Variants in MTPAP observed in about 807,000 individuals in gnomAD.
The protein encoded by MTPAP is poly(A) RNA polymerase, mitochondrial.
Under a neutral mutation model 48.7 loss-of-function variants are expected in MTPAP, and 23 were observed. The observed-to-expected ratio is 0.47, with a 90% CI of 0.34 to 0.67. MTPAP has a LOEUF of 0.67. Among genes scored for constraint, MTPAP ranks in the 30% least tolerant of loss-of-function variants. The pLI, the probability that MTPAP is intolerant of heterozygous loss-of-function variation, is 0.01. For missense variants in MTPAP, 614 were observed against 694.3 expected, an observed-to-expected ratio of 0.88 and a Z score of 1.30; for synonymous variants, 257 against 254.1, an observed-to-expected ratio of 1.01 and a Z score of -0.11.
At chr10:30,321,949 C>T (rs564742358) in intron 6 of MTPAP, among the ~76,000 whole-genome samples, 2 of 152,302 alleles carry the variant, frequency 1.3e-5, no homozygotes, top group African/African-American at 4.8e-5. Flanking sequence ...CCTAAGACTG[C>T]TTATATGCTT....
At chr10:30,326,958 T>G (rs1588715491) in intron 4 of MTPAP, among the ~76,000 whole-genome samples, 1 of 152,172 alleles carries the variant, frequency 6.6e-6, no homozygotes, top group Admixed American at 6.5e-5. Flanking sequence ...ATAAATTCAG[T>G]GAACATATAC....
At chr10:30,342,821 G>A (rs1216661577) in intron 1 of MTPAP, among the ~76,000 whole-genome samples, 3 of 152,058 alleles carry the variant, frequency 2.0e-5, no homozygotes, top group Non-Finnish European at 2.9e-5. Flanking sequence ...TTAAAACCTC[G>A]TTACTGCCCA....
In MTPAP at chr10:30,340,286, T is replaced by C. The variant is rs1270571343; in HGVS notation, c.495A>G (p.Ser165=). Residue 165 remains serine, a synonymous_variant, in exon 3 of 9, where the codon TCA becomes TCG. Transcript: ENST00000263063. The stretch of plus-strand genomic sequence containing the variant: ...TGTTTGAACGTGGCAACTGATTACT[T>C]GACCGTACGCGTGACCGTTCAGAAG... ...NQTSERSRVR[S]SNQLPRSNKQ... The C allele has an allele frequency of 1.2e-6, 2 of 1,614,200 alleles. No homozygotes were observed. The highest frequency in any genetic ancestry group is 2.2e-5 in the East Asian group (1 of 44,892).
At chr10:30,342,496 G>A (rs1588721905) in intron 1 of MTPAP, among the ~76,000 whole-genome samples, 4 of 136,592 alleles carry the variant, frequency 2.9e-5, no homozygotes, top group African/African-American at 1.0e-4. Flanking sequence ...CACTTTCTCT[G>A]TTTTGATTTA....
intron 4 of MTPAP, among the ~76,000 whole-genome samples, chr10:30,335,355 C>T (rs989557240): frequency 5.3e-5 from 8 of 151,822 alleles, no homozygotes; most frequent in Non-Finnish European, 1.2e-4. Context: ...GCATGGTGGC[C>T]CCTGCCTGCA....
chr10:30,324,669 C>A (rs1834560512), intron 5 of MTPAP, among the ~76,000 whole-genome samples: 1 of 152,086 alleles, frequency 6.6e-6, no homozygotes, highest in South Asian at 2.1e-4. Flanking sequence ...AATTTAACAG[C>A]ATCAAGTTAA....
chr10:30,328,388 C>T (rs1008726619), intron 4 of MTPAP, among the ~76,000 whole-genome samples: 2 of 152,096 alleles, frequency 1.3e-5, no homozygotes, highest in African/African-American at 2.4e-5. Context: ...AGAACTTGTC[C>T]GTATCTACTG....
In MTPAP at chr10:30,313,730, T is replaced by C. The variant is rs752913555; in HGVS notation, c.1628A>G (p.Lys543Arg). The C allele has an allele frequency of 1.9e-6, 3 of 1,614,232 alleles. No homozygotes were observed. In the South Asian group the frequency reaches 3.3e-5, roughly 18 times the overall value. The change falls in exon 9 of 9, where the codon AAG becomes AGG. Residue 543 changes from lysine to arginine, a missense_variant. This residue lies in a region of MTPAP where 109 missense variants were observed against 100.5 expected (regional missense o/e 1.08). Coordinates refer to ENST00000263063, the MANE Select transcript of MTPAP (RefSeq NM_018109.4). Reference sequence around the variant, plus strand: ...AATTGCAAACTTATTGCTTTTCTTCTTGGTAAAGGACTTTCTGTTTGGAGC... The same window carrying C: ...AATTGCAAACTTATTGCTTTTCTTCCTGGTAAAGGACTTTCTGTTTGGAGC... ...PSAPNRKSFT[K>R]KKSNKFAIET...
At chr10:30,328,066 G>T (rs1834620436) in intron 4 of MTPAP, among the ~76,000 whole-genome samples, 1 of 152,020 alleles carries the variant, frequency 6.6e-6, no homozygotes, top group Admixed American at 6.6e-5. Context: ...CACTACTAAA[G>T]AACAAAGCAA....
chr10:30,349,082 T>G, intron 1 of MTPAP, 37 bp downstream of exon 1: 1 of 1,613,474 alleles, frequency 6.2e-7, no homozygotes, highest in Non-Finnish European at 8.5e-7. Context: ...CCTCGCCCGC[T>G]GTGGGACGGA....
intron 6 of MTPAP, among the ~76,000 whole-genome samples, chr10:30,320,074 T>C (rs960095543): frequency 6.0e-4 from 92 of 152,166 alleles, no homozygotes; most frequent in Non-Finnish European, 1.1e-3. Context: ...CTGGGCAATA[T>C]AGTAAGACAC....
At chr10:30,332,892 C>T (rs900992132) in intron 4 of MTPAP, among the ~76,000 whole-genome samples, 3 of 151,978 alleles carry the variant, frequency 2.0e-5, no homozygotes, top group Non-Finnish European at 4.4e-5. Context: ...GAGGCAGAGG[C>T]AGGCAGATCA....
chr10:30,319,417 A>C (rs1343518132), intron 6 of MTPAP, among the ~76,000 whole-genome samples: 2 of 152,218 alleles, frequency 1.3e-5, no homozygotes, highest in Non-Finnish European at 2.9e-5. Context: ...TTGTATATCA[A>C]ATGAGAGGTA....
rs1834604912 is a variant in MTPAP, at chr10:30,326,988, C to T, written c.781-353G>A. The stretch of plus-strand genomic sequence containing the variant: ...ATATACTTGCCCCTTCCCAGTTGAC[C>T]ATTATATTTTAATCTATGCTATAAA... On this transcript the variant is annotated intron_variant, in intron 4 of 8. Coordinates refer to ENST00000263063, the MANE Select transcript of MTPAP (RefSeq NM_018109.4). 3.3e-5 allele frequency among the ~76,000 whole-genome samples: 5 copies of T among 152,058 alleles called. No individual in the cohort carries two copies. In the South Asian group the frequency reaches 1.0e-3, roughly 31 times the overall value.
chr10:30,313,640 C>T lies in MTPAP; in HGVS notation c.1718G>A (p.Ser573Asn), dbSNP rs771523018. 6.2e-7 allele frequency: 1 copy of T among 1,614,202 alleles called. No homozygotes were observed. Among genetic ancestry groups the T allele is most frequent in the Non-Finnish European group, 8.5e-7 (1 of 1,180,010 alleles). Residue 573 changes from serine to asparagine, a missense_variant, in exon 9 of 9, where the codon AGT becomes AAT. Ser to Asn is a conservative substitution (Grantham distance 46). Transcript: ENST00000263063. ...CTGAGTACTAATTGTTCTCTTCCCA[C>T]TGGTTTTTGTGAAATTTTCTGTTCT... ...GNRTENFTKTSGKRTISTQT is the reference protein window; with the variant it reads ...GNRTENFTKTNGKRTISTQT
At position 30,313,623 on chromosome 10, in the gene MTPAP, T is replaced by C. The variant is rs748514059; in HGVS notation, c.1735A>G (p.Ser579Gly). 17 of 1,614,110 alleles carry C rather than the reference T, an allele frequency of 1.1e-5. No individual in the cohort carries two copies. The highest frequency in any genetic ancestry group is 1.3e-5 in the Non-Finnish European group (15 of 1,180,038). ...TGTAGCAGCCATCATGTCTGAGTAC[T>C]AATTGTTCTCTTCCCACTGGTTTTT... Reference protein sequence around the residue: ...FTKTSGKRTISTQT With the variant: ...FTKTSGKRTIGTQT The change falls in exon 9 of 9, where the codon AGT (serine) becomes GGT (glycine). Residue 579 changes from serine (S) to glycine (G), a missense_variant. Ser to Gly is a moderately conservative substitution (Grantham distance 56, BLOSUM62 0). Around this residue, in one of 5 missense-constraint regions of MTPAP, gnomAD observed 109 missense variants for 100.5 expected, o/e 1.08. Coordinates refer to ENST00000263063, the MANE Select transcript of MTPAP (RefSeq NM_018109.4).
At position 30,312,389 on chromosome 10, in the gene MTPAP, A is replaced by T. The variant is rs1400632038; in HGVS notation, c.*1220T>A. ...AGGTCGGGAGATCGAGACCATGGTG[A>T]AACCCTGTCTCTACTAAAAATACAA... On this transcript the variant is annotated 3_prime_UTR_variant, in exon 9 of 9. Coordinates refer to ENST00000263063, the MANE Select transcript of MTPAP (RefSeq NM_018109.4). 6.6e-6 allele frequency: 1 copy of T among 151,886 alleles called. No individual in the cohort carries two copies. The highest frequency in any genetic ancestry group is 2.4e-5 in the African/African-American group (1 of 41,342). The allele number at this position is 151,886 out of a possible 1,614,324, so 9.4% of individuals were successfully genotyped here. A position where few individuals can be genotyped will look rare whatever the true frequency, so the allele number is the denominator to read the frequency against.
chr10:30,337,058 G>C (rs1205937407), intron 3 of MTPAP, 31 bp from the exon 4 acceptor site: 10 of 1,548,426 alleles, frequency 6.5e-6, no homozygotes, highest in Middle Eastern at 2.2e-4. Context: ...CAACAAAATA[G>C]AGAAAAAGTA....
intron 1 of MTPAP, 118 bp downstream of exon 1, chr10:30,349,001 C>A: frequency 6.8e-7 from 1 of 1,463,596 alleles, no homozygotes; most frequent in Non-Finnish European, 9.5e-7. Flanking sequence ...GGACAGGACA[C>A]AGCCCCACCC....
Sources: gnomAD v4.1 joint callset for allele counts (sites outside exome capture counted in the v4.1 genomes callset) on GRCh38, gnomAD v4.1.1 for gene constraint, gnomAD v4.1.1 regional missense constraint, MANE v1.5 for transcripts, NCBI Gene and HGNC (gene_info 2026-07-23, HGNC 2026-07-21) for gene names.